Variants in FAM193A observed in about 807,000 individuals in gnomAD.
FAM193A encodes family with sequence similarity 193 member A.
A neutral mutation model predicts 126.5 loss-of-function variants in FAM193A; 22 were observed. That is an observed-to-expected ratio of 0.17 (90% CI 0.12 to 0.25). FAM193A has a LOEUF of 0.25. FAM193A is among the 10% of genes least tolerant of loss of function. The probability of loss-of-function intolerance (pLI) is 1.00; values close to 1 mark genes in which losing one functional copy is unlikely to be tolerated. For missense variants in FAM193A, 1,675 were observed against 1,672.8 expected, an observed-to-expected ratio of 1.00 and a Z score of -0.02; for synonymous variants, 761 against 646.8, an observed-to-expected ratio of 1.18 and a Z score of -2.68.
At chr4:2,653,379 A>G (rs2109079351) in intron 7 of FAM193A, among the ~76,000 whole-genome samples, 1 of 152,338 alleles carries the variant, frequency 6.6e-6, no homozygotes, top group Non-Finnish European at 1.5e-5. Flanking sequence ...TTAAAATTGC[A>G]TGTTACATTG....
intron 18 of FAM193A, among the ~76,000 whole-genome samples, chr4:2,697,008 G>C (rs1717114078): frequency 6.6e-6 from 1 of 152,082 alleles, no homozygotes; most frequent in Non-Finnish European, 1.5e-5. Flanking sequence ...CGGGGCACTT[G>C]GCACAGGGAA....
chr4:2,681,222 T>G (rs1243676600), intron 13 of FAM193A, among the ~76,000 whole-genome samples: 1 of 148,542 alleles, frequency 6.7e-6, no homozygotes, highest in Non-Finnish European at 1.5e-5. Context: ...ATTTGAGTCT[T>G]TTTTTTTTCT....
At position 2,536,860 on chromosome 4, in the gene FAM193A, C is replaced by G. The variant is rs1038646434; in HGVS notation, c.-56C>G. On this transcript the variant is annotated 5_prime_UTR_variant, in exon 1 of 21. Coordinates refer to ENST00000637812, the MANE Select transcript of FAM193A (RefSeq NM_001366318.2). The stretch of plus-strand genomic sequence containing the variant: ...GCCTCAGCCTCCCCGCCTTCCCCGC[C>G]CTCCGCCGCCGCCCGCGGCCCCCGC... 1.4e-5 allele frequency: 2 copies of G among 147,670 alleles called. No individual in the cohort carries two copies. Among genetic ancestry groups the G allele is most frequent in the Admixed American group, 6.8e-5 (1 of 14,750 alleles). The allele number at this position is 147,670 out of a possible 1,614,324, so 9.1% of individuals were successfully genotyped here.
At chr4:2,657,210 C>T (rs551115637) in intron 7 of FAM193A, among the ~76,000 whole-genome samples, 62 of 143,766 alleles carry the variant, frequency 4.3e-4, no homozygotes, top group Non-Finnish European at 8.1e-4. Flanking sequence ...CATATCCTTT[C>T]TCAATCCTGA....
At chr4:2,593,013 C>CG (rs1286228211) in intron 1 of FAM193A, among the ~76,000 whole-genome samples, 1 of 152,144 alleles carries the variant, frequency 6.6e-6, no homozygotes, top group African/African-American at 2.4e-5. Context: ...GAAAGGCGTT[C>CG]TGATGCTGCC....
At chr4:2,668,794 CTCTT>C (rs1713441356) in intron 12 of FAM193A, among the ~76,000 whole-genome samples, 3 of 151,830 alleles carry the variant, frequency 2.0e-5, no homozygotes, top group South Asian at 4.2e-4. Flanking sequence ...TCCTCTCTCT[CTCTT>C]TCTCTCTCTC....
chr4:2,568,943 A>G (rs947778054), intron 1 of FAM193A, among the ~76,000 whole-genome samples: 4 of 140,900 alleles, frequency 2.8e-5, no homozygotes, highest in African/African-American at 5.3e-5. Flanking sequence ...GTGGTTACTC[A>G]TTCAGATTTC....
intron 2 of FAM193A, among the ~76,000 whole-genome samples, chr4:2,618,591 C>CTTTTTT (rs34641526): frequency 1.3e-5 from 1 of 79,850 alleles, no homozygotes; most frequent in Non-Finnish European, 2.4e-5. Context: ...CCATGCCCGG[C>CTTTTTT]TTTTTTTTTT....
At chr4:2,725,450 C>CA (rs71644355) in intron 20 of FAM193A, among the ~76,000 whole-genome samples, 2,806 of 31,620 alleles carry the variant, frequency 0.089, 290 homozygotes, top group African/African-American at 0.097. Context: ...ACCCTGTCTC[C>CA]AAAAAAAAAA....
rs142119927 is a variant in FAM193A, at chr4:2,548,381, A to G, written c.255+11211A>G. On this transcript the variant is annotated intron_variant, in intron 1 of 20. Transcript: ENST00000637812. The stretch of plus-strand genomic sequence containing the variant: ...CCACCATGCCCGGCCTACTTTGCCT[A>G]TTTTTTGAAAGTTCTCCATGATTCT... 3.6e-4 allele frequency among the ~76,000 whole-genome samples: 54 copies of G among 151,752 alleles called. No homozygotes were observed. The East Asian group carries it at 9.4e-3, about 26-fold the overall frequency.
At chr4:2,731,596 A>G (rs1721402318) in intron 20 of FAM193A, among the ~76,000 whole-genome samples, 179 bp from the exon 21 acceptor site, 1 of 151,450 alleles carries the variant, frequency 6.6e-6, no homozygotes, top group African/African-American at 2.4e-5. Flanking sequence ...CCCCTTCTCA[A>G]GTGCAGCCTG....
rs1482940284 is a variant in FAM193A, at chr4:2,663,130, A to G, written c.1921A>G (p.Ser641Gly). The change falls in exon 12 of 21, where the codon AGC becomes GGC. Residue 641 changes from serine (S) to glycine (G), a missense_variant. Coordinates refer to ENST00000637812, the MANE Select transcript of FAM193A (RefSeq NM_001366318.2). The stretch of plus-strand genomic sequence containing the variant: ...AAAGTCTCCTCAGATAAGCAGTACC[A>G]GCAGTAGTTCCTCAGAAGCTGATGA... ...KDESPQISST[S>G]SSSSEADDEE... 7 of 1,614,010 alleles carry G rather than the reference A, an allele frequency of 4.3e-6. No individual in the cohort carries two copies. The South Asian group carries it at 7.7e-5, about 18-fold the overall frequency.
chr4:2,715,378 A>G, intron 19 of FAM193A: 2 of 322,510 alleles, frequency 6.2e-6, no homozygotes, highest in Non-Finnish European at 8.9e-6. Context: ...CAGGAGGATT[A>G]CTTGAGCCTG....
chr4:2,623,315 G>A (rs1272950065), intron 2 of FAM193A, among the ~76,000 whole-genome samples: 1 of 152,092 alleles, frequency 6.6e-6, no homozygotes, highest in Non-Finnish European at 1.5e-5. Context: ...GACTACAGGC[G>A]AGCGCCACCA....
intron 2 of FAM193A, among the ~76,000 whole-genome samples, chr4:2,609,570 A>G (rs755991011): frequency 5.3e-5 from 8 of 152,230 alleles, no homozygotes; most frequent in Non-Finnish European, 1.0e-4. Context: ...TCCAATAGTT[A>G]TTATGCCCAT....
intron 19 of FAM193A, among the ~76,000 whole-genome samples, chr4:2,713,605 G>A (rs1191098396): frequency 6.6e-6 from 1 of 152,144 alleles, no homozygotes; most frequent in African/African-American, 2.4e-5. Flanking sequence ...TCCATTCTTT[G>A]TGTTTTCTCT....
At chr4:2,608,206 A>G (rs1010516559) in intron 2 of FAM193A, 162 of 1,384,432 alleles carry the variant, frequency 1.2e-4, no homozygotes, top group Non-Finnish European at 1.5e-4. Context: ...TGTTTTCGAG[A>G]CGGTCGGTCT....
At chr4:2,661,545 G>C (rs1298578357) in intron 10 of FAM193A, among the ~76,000 whole-genome samples, 2 of 152,194 alleles carry the variant, frequency 1.3e-5, no homozygotes, top group Non-Finnish European at 1.5e-5. Context: ...CCCAGGTGCA[G>C]TGGGCCTGCA....
At chr4:2,667,990 A>C (rs1294544241) in intron 12 of FAM193A, among the ~76,000 whole-genome samples, 2 of 152,046 alleles carry the variant, frequency 1.3e-5, no homozygotes, top group Non-Finnish European at 2.9e-5. Flanking sequence ...TGCAACCTCA[A>C]GCTCCTGGGC....
Sources: allele counts gnomAD v4.1 joint callset (sites outside exome capture counted in the v4.1 genomes callset), GRCh38; gene constraint gnomAD v4.1.1; transcripts MANE v1.5; gene names NCBI Gene and HGNC (gene_info 2026-07-23, HGNC 2026-07-21).